FOXR1: variants seen among roughly 807,000 people sequenced by gnomAD.
The protein encoded by FOXR1 is forkhead box R1, also known as forkhead box protein R1.
Under a neutral mutation model 34.5 loss-of-function variants are expected in FOXR1, and 25 were observed. The observed-to-expected ratio is 0.72, with a 90% CI of 0.53 to 1.01. FOXR1 has a LOEUF of 1.01. FOXR1 is among the 50% of genes least tolerant of loss of function. The pLI is 0.00. For missense variants in FOXR1, 373 were observed against 376.2 expected (o/e 0.99, Z 0.07); for synonymous variants, 153 against 141.6 (o/e 1.08, Z -0.57).
intron 4 of FOXR1, 56 bp from the exon 5 acceptor site, chr11:118,980,434 G>A: frequency 4.4e-6 from 7 of 1,580,868 alleles, no homozygotes; most frequent in Non-Finnish European, 6.1e-6. Flanking sequence ...ATGCCCCAGA[G>A]AAGGGCATTC....
At chr11:118,972,784 T>C (rs1476487603) in intron 1 of FOXR1, among the ~76,000 whole-genome samples, 1 of 151,996 alleles carries the variant, frequency 6.6e-6, no homozygotes, top group Non-Finnish European at 1.5e-5. Context: ...CACCACGCCC[T>C]GTTAATTTTT....
chr11:118,977,653 A>G (rs918364489), intron 1 of FOXR1, among the ~76,000 whole-genome samples: 3 of 152,258 alleles, frequency 2.0e-5, no homozygotes, highest in African/African-American at 4.8e-5. Context: ...CTAATTACTG[A>G]GCTCTCCGAT....
intron 1 of FOXR1, among the ~76,000 whole-genome samples, chr11:118,978,273 G>A (rs1941802863): frequency 6.6e-6 from 1 of 151,818 alleles, no homozygotes; most frequent in African/African-American, 2.4e-5. Context: ...TGTAGTTCCA[G>A]CTACCTGGGA....
At chr11:118,975,240 G>A (rs1324292742) in intron 1 of FOXR1, among the ~76,000 whole-genome samples, 1 of 152,122 alleles carries the variant, frequency 6.6e-6, no homozygotes, top group African/African-American at 2.4e-5. Flanking sequence ...GGTTGGATGA[G>A]TGGAATGTAA....
chr11:118,980,558 T>G lies in FOXR1; in HGVS notation c.680T>G (p.Phe227Cys). 1 of 1,614,256 alleles carries G rather than the reference T, an allele frequency of 6.2e-7. No homozygotes were observed. The highest frequency in any genetic ancestry group is 8.5e-7 in the Non-Finnish European group (1 of 1,180,050). The part of the protein sequence containing the change: ...WKNTVRHNLC[F>C]RDSFEKVPVS... ...AATACTGTCCGTCACAATCTCTGTTTTCGAGACAGCTTTGAGAAAGTGCCT... is the reference window on the plus strand; with the variant it reads ...AATACTGTCCGTCACAATCTCTGTTGTCGAGACAGCTTTGAGAAAGTGCCT... The change falls in exon 5 of 6, where the codon TTT (phenylalanine) becomes TGT (cysteine). Residue 227 changes from phenylalanine (F) to cysteine (C), a missense_variant. By Grantham distance (205) the Phe-to-Cys change is radical. Transcript: ENST00000317011.
At chr11:118,975,932 T>C (rs1326712630) in intron 1 of FOXR1, among the ~76,000 whole-genome samples, 3 of 152,176 alleles carry the variant, frequency 2.0e-5, no homozygotes, top group African/African-American at 4.8e-5. Flanking sequence ...TTGGAGCACT[T>C]TGTTGGCCAA....
Position 118,979,157 on chromosome 11 carries a change from C to G in FOXR1, c.337C>G (p.Arg113Gly), listed in dbSNP as rs782055229. The change falls in exon 3 of 6, where the codon CGG (arginine) becomes GGG (glycine). Residue 113 changes from arginine to glycine, a missense_variant. Coordinates refer to ENST00000317011, the MANE Select transcript of FOXR1 (RefSeq NM_181721.3). ...VESLSQSSSKRSPPRKRFAFS... is the reference protein window; with the variant it reads ...VESLSQSSSKGSPPRKRFAFS... ...ATCACTGTCCCAGTCCTCCAGCAAG[C>G]GGTCTCCCCCTCGGAAGCGGTTTGC... 1.3e-6 allele frequency: 2 copies of G among 1,560,024 alleles called. No individual in the cohort carries two copies. The highest frequency in any genetic ancestry group is 2.1e-5 in the Admixed American group (1 of 48,476).
chr11:118,978,796 C>T lies in FOXR1; in HGVS notation c.76C>T (p.Leu26Phe). 1 of 1,614,172 alleles carries T rather than the reference C, an allele frequency of 6.2e-7. No individual in the cohort carries two copies. Among genetic ancestry groups the T allele is most frequent in the Non-Finnish European group, 8.5e-7 (1 of 1,180,026 alleles). Residue 26 changes from leucine to phenylalanine, a missense_variant, in exon 2 of 6, where the codon CTC becomes TTC. Coordinates refer to ENST00000317011, the MANE Select transcript of FOXR1 (RefSeq NM_181721.3). ...CTTTTTGCCAGTTGCCAGGTATAAACTCCGAATTGTTAAGCCACCAAAATT... is the reference window on the plus strand; with the variant it reads ...CTTTTTGCCAGTTGCCAGGTATAAATTCCGAATTGTTAAGCCACCAAAATT... Reference protein sequence around the residue: ...LAEQKLARYKLRIVKPPKLPL... With the variant: ...LAEQKLARYKFRIVKPPKLPL...
rs1941821869 is a variant in FOXR1 at position 118,979,321 on chromosome 11, C to T, written c.384+117C>T. ...AAAGGTGAATGGGTTCAGAAATTAC[C>T]TACATGCTTGGGTTGGGGAGAAGCC... On this transcript the variant is annotated intron_variant, in intron 3 of 5. Transcript: ENST00000317011. 13 of 1,492,358 alleles carry T rather than the reference C, an allele frequency of 8.7e-6. No homozygotes were observed. The South Asian group carries it at 1.8e-4, about 21-fold the overall frequency. The allele number at this position is 1,492,358 out of a possible 1,614,324, so 92.4% of individuals were successfully genotyped here. A position where few individuals can be genotyped will look rare whatever the true frequency, so the allele number is the denominator to read the frequency against.
chr11:118,980,097 A>T, intron 4 of FOXR1: 1 of 458,552 alleles, frequency 2.2e-6, no homozygotes, highest in Non-Finnish European at 4.3e-6. Context: ...CATTTAGCTC[A>T]GATAGTCCTG....
Position 118,980,542 on chromosome 11 carries a change from C to A in FOXR1, c.664C>A (p.Arg222Ser), listed in dbSNP as rs782367268. 1.9e-6 allele frequency: 3 copies of A among 1,614,244 alleles called. No homozygotes were observed. The highest frequency in any genetic ancestry group is 2.7e-5 in the African/African-American group (2 of 75,074). Residue 222 changes from arginine to serine, a missense_variant, in exon 5 of 6, where the codon CGT becomes AGT. By Grantham distance (110) the Arg-to-Ser change is moderately radical. Coordinates refer to ENST00000317011, the MANE Select transcript of FOXR1 (RefSeq NM_181721.3). ...CCCGGAAGGCTGGAAGAATACTGTCCGTCACAATCTCTGTTTTCGAGACAG... is the reference window on the plus strand; with the variant it reads ...CCCGGAAGGCTGGAAGAATACTGTCAGTCACAATCTCTGTTTTCGAGACAG... ...TAPEGWKNTV[R>S]HNLCFRDSFE...
At position 118,972,771 on chromosome 11, in the gene FOXR1, C is replaced by T. The variant is rs538175232; in HGVS notation, c.61+779C>T. ...CTGAGTAGCCTGGATTGCAGGGGTG[C>T]GCCACCACGCCCTGTTAATTTTTTT... is the stretch of plus-strand genomic sequence containing the variant. On this transcript the variant is annotated intron_variant, in intron 1 of 5. Coordinates refer to ENST00000317011, the MANE Select transcript of FOXR1 (RefSeq NM_181721.3). Among the ~76,000 whole-genome samples, 7 of 152,178 alleles carry T rather than the reference C, an allele frequency of 4.6e-5. No homozygotes were observed. The South Asian group carries it at 1.5e-3, about 32-fold the overall frequency.
At chr11:118,978,746 G>T in intron 1 of FOXR1, 36 bp from the exon 2 acceptor site, 1 of 1,609,764 alleles carries the variant, frequency 6.2e-7, no homozygotes, top group South Asian at 1.1e-5. Context: ...GGATATTCTA[G>T]GATGTTTTGA....
chr11:118,972,322 G>A (rs1370300208), intron 1 of FOXR1, among the ~76,000 whole-genome samples: 4 of 151,910 alleles, frequency 2.6e-5, no homozygotes, highest in African/African-American at 9.7e-5. Flanking sequence ...ACATTCCAAG[G>A]CCTCTTCTGG....
intron 1 of FOXR1, among the ~76,000 whole-genome samples, chr11:118,973,691 G>A (rs187855229): frequency 8.5e-5 from 12 of 141,202 alleles, no homozygotes; most frequent in Middle Eastern, 3.7e-3. Context: ...CACCGCACCC[G>A]GCCTTCTTTT....
At chr11:118,974,778 C>G (rs1941758805) in intron 1 of FOXR1, among the ~76,000 whole-genome samples, 1 of 152,004 alleles carries the variant, frequency 6.6e-6, no homozygotes, top group Non-Finnish European at 1.5e-5. Flanking sequence ...GCAGGGAGAA[C>G]CAGCTGGCTA....
At chr11:118,972,206 G>C (rs556570913) in intron 1 of FOXR1, among the ~76,000 whole-genome samples, 1 of 151,724 alleles carries the variant, frequency 6.6e-6, no homozygotes. Flanking sequence ...AGTGGTTTGG[G>C]GGGTGGGGGG....
intron 2 of FOXR1, 37 bp from the exon 3 acceptor site, chr11:118,978,920 C>T: frequency 6.2e-7 from 1 of 1,613,858 alleles, no homozygotes. Context: ...CACCCAAAGC[C>T]AGTGGGCTGT....
In FOXR1 at chr11:118,978,995, C is replaced by A; in HGVS notation, c.175C>A (p.Pro59Thr). The A allele has an allele frequency of 6.2e-7, 1 of 1,602,770 alleles. No individual in the cohort carries two copies. ...YEPNLWMWVNPNIVYPPGKLE... is the reference protein window; with the variant it reads ...YEPNLWMWVNTNIVYPPGKLE... ...GCCCAACCTCTGGATGTGGGTAAATCCCAACATTGTGTATCCCCCTGGAAA... is the reference window on the plus strand; with the variant it reads ...GCCCAACCTCTGGATGTGGGTAAATACCAACATTGTGTATCCCCCTGGAAA... The change falls in exon 3 of 6, where the codon CCC becomes ACC. Residue 59 changes from proline (P) to threonine (T), a missense_variant. Coordinates refer to ENST00000317011, the MANE Select transcript of FOXR1 (RefSeq NM_181721.3).
Sources: gnomAD v4.1 joint callset for allele counts (sites outside exome capture counted in the v4.1 genomes callset) on GRCh38, gnomAD v4.1.1 for gene constraint, MANE v1.5 for transcripts, NCBI Gene and HGNC (gene_info 2026-07-23, HGNC 2026-07-21) for gene names.